The following PCDHA11 variants were observed in gnomAD, a reference collection of about 807,000 sequenced individuals.
The protein encoded by PCDHA11 is protocadherin alpha 11, also known as protocadherin alpha-11.
In PCDHA11, 61 loss-of-function variants were observed where a neutral mutation model predicts 70.3. The observed-to-expected ratio is 0.87, with a 90% CI of 0.71 to 1.07. PCDHA11 has a LOEUF of 1.07. Ranked by LOEUF, PCDHA11 falls within the 50% of genes least tolerant of loss-of-function variation. The pLI is 0.00. For synonymous variants in PCDHA11, 633 were observed against 555.1 expected (o/e 1.14, Z -1.97); for missense variants, 1,324 against 1,237.5 (o/e 1.07, Z -1.05).
chr5:140,929,722 T>G (rs558208996), intron 1 of PCDHA11: 1 of 221,696 alleles, frequency 4.5e-6, no homozygotes, highest in Non-Finnish European at 9.4e-6. Flanking sequence ...AGGTGAAACA[T>G]TTACTTAAAC....
At chr5:140,927,403 C>T (rs1276847771) in intron 1 of PCDHA11, 1 of 1,614,146 alleles carries the variant, frequency 6.2e-7, no homozygotes, top group Non-Finnish European at 8.5e-7. Context: ...GCACTTTCGC[C>T]TGGACATGGG....
intron 1 of PCDHA11, among the ~76,000 whole-genome samples, chr5:140,891,443 T>C (rs1181273099): frequency 6.7e-6 from 1 of 148,474 alleles, no homozygotes; most frequent in Non-Finnish European, 1.5e-5. Flanking sequence ...GTCCATTGTA[T>C]AGGATTTTTG....
chr5:140,916,559 G>C (rs1170876334), intron 1 of PCDHA11, among the ~76,000 whole-genome samples: 2 of 152,224 alleles, frequency 1.3e-5, no homozygotes, highest in African/African-American at 4.8e-5. Flanking sequence ...TATTTGTCCA[G>C]GGTGTGTCTA....
At chr5:140,882,699 A>C in intron 1 of PCDHA11, 3 of 1,614,184 alleles carry the variant, frequency 1.9e-6, no homozygotes, top group South Asian at 1.1e-5. Context: ...ATCATTGCAG[A>C]ATCTAGACCT....
chr5:141,004,045 G>T (rs1588047334), intron 3 of PCDHA11, among the ~76,000 whole-genome samples: 1 of 152,222 alleles, frequency 6.6e-6, no homozygotes, highest in East Asian at 1.9e-4. Flanking sequence ...TTGATCATTT[G>T]CTGATACTGG....
chr5:140,997,357 A>G (rs1309712075), intron 3 of PCDHA11, among the ~76,000 whole-genome samples: 1 of 152,218 alleles, frequency 6.6e-6, no homozygotes, highest in Non-Finnish European at 1.5e-5. Flanking sequence ...ATGTACTTAC[A>G]TAAACCTAGA....
chr5:140,957,407 A>G lies in PCDHA11; in HGVS notation c.2392-21542A>G, dbSNP rs570373783. On this transcript the variant is annotated intron_variant, in intron 1 of 3. Coordinates refer to ENST00000398640, the MANE Select transcript of PCDHA11 (RefSeq NM_018902.5). ...GTTATAATTGTCCTAATTTATTATT[A>G]TTGTTGTTAATCTTTTACTGTGCCT... Among the ~76,000 whole-genome samples, 13 of 152,274 alleles carry G rather than the reference A, an allele frequency of 8.5e-5. No homozygotes were observed. The South Asian group carries it at 2.7e-3, about 32-fold the overall frequency.
At chr5:140,951,426 A>T (rs1282737926) in intron 1 of PCDHA11, among the ~76,000 whole-genome samples, 1 of 152,068 alleles carries the variant, frequency 6.6e-6, no homozygotes, top group Non-Finnish European at 1.5e-5. Flanking sequence ...ACAGTTCCAC[A>T]GGCTGTAGGA....
intron 1 of PCDHA11, among the ~76,000 whole-genome samples, chr5:140,897,709 T>C (rs1471075981): frequency 6.6e-6 from 1 of 152,212 alleles, no homozygotes; most frequent in Non-Finnish European, 1.5e-5. Context: ...TACCCAGTAA[T>C]GGGATGGCTG....
intron 1 of PCDHA11, among the ~76,000 whole-genome samples, chr5:140,975,683 G>T (rs1226769029): frequency 6.6e-6 from 1 of 151,934 alleles, no homozygotes; most frequent in Non-Finnish European, 1.5e-5. Context: ...AATAAAATAG[G>T]GTATTTTAAA....
rs377081112 is a variant in PCDHA11, at chr5:140,871,063, G to A, written c.1960G>A (p.Gly654Ser). The A allele has an allele frequency of 1.2e-6, 2 of 1,613,272 alleles. No homozygotes were observed. Among genetic ancestry groups the A allele is most frequent in the Non-Finnish European group, 1.7e-6 (2 of 1,179,854 alleles). The change falls in exon 1 of 4, where the codon GGT becomes AGT. Residue 654 changes from glycine (G) to serine (S), a missense_variant. Coordinates refer to ENST00000398640, the MANE Select transcript of PCDHA11 (RefSeq NM_018902.5). ...HRLLVLVKDH[G>S]EPALTATATV... is the part of the protein sequence containing the mutation. ...ACTTCTAGTACTGGTGAAGGATCAC[G>A]GTGAGCCGGCGCTGACGGCCACGGC...
chr5:140,893,778 A>G (rs1017243223), intron 1 of PCDHA11, among the ~76,000 whole-genome samples: 2 of 151,936 alleles, frequency 1.3e-5, no homozygotes, highest in South Asian at 4.2e-4. Flanking sequence ...CTTTTCTTTT[A>G]CCGTTTTTAG....
Position 140,962,743 on chromosome 5 carries a change from A to T in PCDHA11, c.2392-16206A>T, listed in dbSNP as rs1298793627. 2.0e-5 allele frequency among the ~76,000 whole-genome samples: 3 copies of T among 152,324 alleles called. No individual in the cohort carries two copies. The East Asian group carries it at 5.8e-4, about 29-fold the overall frequency. On this transcript the variant is annotated intron_variant, in intron 1 of 3. Coordinates refer to ENST00000398640, the MANE Select transcript of PCDHA11 (RefSeq NM_018902.5). Reference sequence around the variant, plus strand: ...ATTTTCCTTCTGGGGATGCATGAAGATCAGGAATCCTATTCGTTTTTAACA... The same window carrying T: ...ATTTTCCTTCTGGGGATGCATGAAGTTCAGGAATCCTATTCGTTTTTAACA...
intron 1 of PCDHA11, among the ~76,000 whole-genome samples, chr5:140,952,723 A>G (rs979234260): frequency 6.6e-6 from 1 of 152,168 alleles, no homozygotes; most frequent in Non-Finnish European, 1.5e-5. Flanking sequence ...AATTTTCTGT[A>G]CTAGTCTTTT....
rs80155737 is a variant in PCDHA11, at chr5:140,924,458, T to C, written c.2391+52964T>C. Among the ~76,000 whole-genome samples, 1,228 of 152,310 alleles carry C rather than the reference T, an allele frequency of 8.1e-3. 6 individuals are homozygous for C. Among genetic ancestry groups the C allele is most frequent in the African/African-American group, 0.019 (794 of 41,566 alleles). On this transcript the variant is annotated intron_variant, in intron 1 of 3. Coordinates refer to ENST00000398640, the MANE Select transcript of PCDHA11 (RefSeq NM_018902.5). The stretch of plus-strand genomic sequence containing the variant: ...GAGATAACGAATGGGTTTGTGTGTT[T>C]AGGGAGGTAACTGGTTTTTAGTGGA...
chr5:140,879,955 A>G (rs1554171094), intron 1 of PCDHA11, among the ~76,000 whole-genome samples: 1 of 152,206 alleles, frequency 6.6e-6, no homozygotes, highest in Non-Finnish European at 1.5e-5. Context: ...GCCCATCTGG[A>G]TAATCCAGGA....
At position 140,870,817 on chromosome 5, in the gene PCDHA11, G is replaced by C. The variant is rs782095168; in HGVS notation, c.1714G>C (p.Ala572Pro). Residue 572 changes from alanine to proline, a missense_variant, in exon 1 of 4, where the codon GCG becomes CCG. Physicochemically the swap from Ala to Pro is conservative, Grantham distance 27 (BLOSUM62 -1). Coordinates refer to ENST00000398640, the MANE Select transcript of PCDHA11 (RefSeq NM_018902.5). ...PALLATQAGS[A>P]GGAVNKLVPR... is the part of the protein sequence containing the mutation. ...ACTGCTGGCGACTCAGGCTGGCAGCGCGGGAGGCGCAGTTAACAAGCTAGT... is the reference window on the plus strand; with the variant it reads ...ACTGCTGGCGACTCAGGCTGGCAGCCCGGGAGGCGCAGTTAACAAGCTAGT... The C allele has an allele frequency of 9.9e-6, 16 of 1,613,726 alleles. No individual in the cohort carries two copies. In the South Asian group the frequency reaches 1.3e-4, roughly 13 times the overall value.
intron 3 of PCDHA11, among the ~76,000 whole-genome samples, chr5:141,007,846 A>G (rs1368916424): frequency 6.6e-6 from 1 of 152,176 alleles, no homozygotes. Flanking sequence ...TAGAGACTCA[A>G]AGTCCTTAAA....
In PCDHA11 at chr5:140,870,098, A is replaced by G. The variant is rs181372298; in HGVS notation, c.995A>G (p.His332Arg). 3.1e-6 allele frequency: 5 copies of G among 1,613,860 alleles called. No individual in the cohort carries two copies. The East Asian group carries it at 1.1e-4, about 36-fold the overall frequency. Residue 332 changes from histidine (H) to arginine (R), a missense_variant, in exon 1 of 4, where the codon CAC becomes CGC. His to Arg is a conservative substitution (Grantham distance 29). Transcript: ENST00000398640. ...AAGGGGACTCCCCCAATGGCAGGTC[A>G]CTGTACAGTCTGGGTGGAAATCTTG... is the stretch of plus-strand genomic sequence containing the variant. Reference protein sequence around the residue: ...TDKGTPPMAGHCTVWVEILDT... With the variant: ...TDKGTPPMAGRCTVWVEILDT...
Sources: gnomAD v4.1 joint callset for allele counts (sites outside exome capture counted in the v4.1 genomes callset) on GRCh38, gnomAD v4.1.1 for gene constraint, MANE v1.5 for transcripts, NCBI Gene and HGNC (gene_info 2026-07-23, HGNC 2026-07-21) for gene names.